CRB1: variants seen among roughly 807,000 people sequenced by gnomAD.
CRB1 encodes protein crumbs homolog 1.
In CRB1, 83 loss-of-function variants were observed where a neutral mutation model predicts 120.0. The observed-to-expected ratio is 0.69, with a 90% CI of 0.58 to 0.83. The LOEUF (loss-of-function observed/expected upper bound fraction) is 0.83, where lower values mean the gene tolerates loss of function less well. CRB1 is among the 40% of genes least tolerant of loss of function. CRB1 has a pLI of 0.00. For missense variants in CRB1, 1,699 were observed against 1,687.6 expected (o/e 1.01, Z -0.12); for synonymous variants, 625 against 612.5 (o/e 1.02, Z -0.30).
intron 1 of CRB1, among the ~76,000 whole-genome samples, chr1:197,308,198 C>T (rs1657286420): frequency 6.6e-6 from 1 of 152,142 alleles, no homozygotes; most frequent in African/African-American, 2.4e-5. Flanking sequence ...AAATAAAATA[C>T]TGTATTTTCT....
rs146120995 is a variant in CRB1, at chr1:197,421,275, G to C, written c.1447G>C (p.Ala483Pro). Residue 483 changes from alanine to proline, a missense_variant, in exon 6 of 12, where the codon GCA (alanine) becomes CCA (proline). Physicochemically the swap from Ala to Pro is conservative, Grantham distance 27. Transcript: ENST00000367400. ...CTACACCGGGTCCCTGTGTGAAATCGCAACCACACTTTCATTTGAGGGCGA... is the reference window on the plus strand; with the variant it reads ...CTACACCGGGTCCCTGTGTGAAATCCCAACCACACTTTCATTTGAGGGCGA... ...SGYTGSLCEI[A>P]TTLSFEGDGF... is the part of the protein sequence containing the mutation. The C allele has an allele frequency of 5.0e-6, 8 of 1,613,984 alleles. No individual in the cohort carries two copies. Among genetic ancestry groups the C allele is most frequent in the Admixed American group, 3.3e-5 (2 of 59,996 alleles).
chr1:197,433,538 G>C (rs1337654171), intron 8 of CRB1, among the ~76,000 whole-genome samples: 1 of 151,954 alleles, frequency 6.6e-6, no homozygotes, highest in Non-Finnish European at 1.5e-5. Context: ...AGAAAAATGA[G>C]GAATAATAGA....
At chr1:197,376,809 A>G (rs1661671536) in intron 5 of CRB1, among the ~76,000 whole-genome samples, 1 of 152,250 alleles carries the variant, frequency 6.6e-6, no homozygotes, top group Admixed American at 6.5e-5. Context: ...AGTGGCTCAC[A>G]TGTTCTCAAT....
intron 11 of CRB1, among the ~76,000 whole-genome samples, chr1:197,450,501 C>A (rs1034127021): frequency 2.6e-5 from 4 of 152,090 alleles, no homozygotes; most frequent in African/African-American, 7.2e-5. Flanking sequence ...AGCATAGTAA[C>A]CCAACAGTTA....
In CRB1 at chr1:197,478,087, A is replaced by C; in HGVS notation, c.*208A>C. ...TATATTATATCAGCCAATTGCAAAA[A>C]AAGTCTGTGCCAGTAATTTCAGCCT... On this transcript the variant is annotated 3_prime_UTR_variant, in exon 12 of 12. Coordinates refer to ENST00000367400, the MANE Select transcript of CRB1 (RefSeq NM_201253.3). 1.7e-6 allele frequency: 1 copy of C among 594,536 alleles called. No homozygotes were observed. Among genetic ancestry groups the C allele is most frequent in the Non-Finnish European group, 3.0e-6 (1 of 336,242 alleles). 36.8% of individuals were successfully genotyped at this position (594,536 alleles called of 1,614,324 possible).
At chr1:197,423,087 G>A (rs1664416140) in intron 6 of CRB1, among the ~76,000 whole-genome samples, 2 of 152,178 alleles carry the variant, frequency 1.3e-5, no homozygotes, top group South Asian at 4.2e-4. Context: ...AAATTATGCT[G>A]AGGCAATGTT....
At chr1:197,371,937 A>G (rs769907955) in intron 5 of CRB1, among the ~76,000 whole-genome samples, 1 of 152,116 alleles carries the variant, frequency 6.6e-6, no homozygotes, top group Non-Finnish European at 1.5e-5. Context: ...TAGGATTCCC[A>G]GTAAGAAACT....
At position 197,434,637 on chromosome 1, in the gene CRB1, T is replaced by C. The variant is rs1332124215; in HGVS notation, c.2843-69T>C. The stretch of plus-strand genomic sequence containing the variant: ...GTTATTAACACAATGATCATTACTA[T>C]TAATAACGGTAATTAAGCAAACTAT... On this transcript the variant is annotated intron_variant, in intron 8 of 11. Coordinates refer to ENST00000367400, the MANE Select transcript of CRB1 (RefSeq NM_201253.3). 2.3e-6 allele frequency: 3 copies of C among 1,316,424 alleles called. No individual in the cohort carries two copies. The East Asian group carries it at 7.0e-5, about 31-fold the overall frequency. 81.5% of individuals were successfully genotyped at this position (1,316,424 alleles called of 1,614,324 possible).
In CRB1 at chr1:197,415,759, CAGCCTCCTG is replaced by C. The variant is rs1343089451; in HGVS notation, c.1172-5238_1172-5230del. On this transcript the variant is annotated intron_variant, in intron 5 of 11. Transcript: ENST00000367400. ...CCGGGTTGACGCCATTCTCCTGCCT[CAGCCTCCTG>C]AGTAGCTGGGACTACAGGCGCCCAC... 2.7e-5 allele frequency among the ~76,000 whole-genome samples: 4 copies of C among 150,852 alleles called. No individual in the cohort carries two copies. The East Asian group carries it at 7.9e-4, about 30-fold the overall frequency.
intron 5 of CRB1, among the ~76,000 whole-genome samples, chr1:197,382,082 A>G (rs1000742669): frequency 6.6e-6 from 1 of 152,170 alleles, no homozygotes; most frequent in African/African-American, 2.4e-5. Flanking sequence ...GGTGACGGGG[A>G]GTAGGGACTG....
chr1:197,250,279 C>T, the CRB1 span, among the ~76,000 whole-genome samples: 1 of 151,914 alleles, frequency 6.6e-6, no homozygotes, highest in Non-Finnish European at 1.5e-5. Flanking sequence ...TATCCTGTGG[C>T]ATTATTTTCT....
chr1:197,463,258 C>T (rs1666609227), intron 11 of CRB1, among the ~76,000 whole-genome samples: 2 of 152,050 alleles, frequency 1.3e-5, no homozygotes, highest in African/African-American at 4.8e-5. Context: ...GACAGTTTAC[C>T]TCCTGACACC....
chr1:197,280,107 A>C (rs1655437429), intron 1 of CRB1, among the ~76,000 whole-genome samples: 1 of 151,888 alleles, frequency 6.6e-6, no homozygotes, highest in Admixed American at 6.6e-5. Context: ...ACACAACCAT[A>C]TCACACGGTC....
chr1:197,430,080 TAATC>T (rs1664801464), intron 8 of CRB1, among the ~76,000 whole-genome samples: 1 of 152,196 alleles, frequency 6.6e-6, no homozygotes, highest in Non-Finnish European at 1.5e-5. Context: ...TATCTGTAAA[TAATC>T]AAACATGTTA....
At chr1:197,349,886 G>A (rs1659990739) in intron 4 of CRB1, among the ~76,000 whole-genome samples, 1 of 151,748 alleles carries the variant, frequency 6.6e-6, no homozygotes, top group South Asian at 2.1e-4. Context: ...GGATCATGAG[G>A]TCAGGAGATC....
intron 1 of CRB1, among the ~76,000 whole-genome samples, chr1:197,315,444 TTCTC>T (rs1207035283): frequency 6.6e-6 from 1 of 152,326 alleles, no homozygotes; most frequent in East Asian, 1.9e-4. Flanking sequence ...GACACTTTCT[TTCTC>T]TCAGCTCCAA....
the CRB1 span, among the ~76,000 whole-genome samples, chr1:197,250,805 C>T: frequency 1.3e-5 from 2 of 151,984 alleles, no homozygotes; most frequent in African/African-American, 2.4e-5. Context: ...GGAGCTGCAC[C>T]TCAGTCAGAA....
chr1:197,274,812 G>C (rs565720440), intron 1 of CRB1, among the ~76,000 whole-genome samples: 103 of 152,026 alleles, frequency 6.8e-4, no homozygotes, highest in Middle Eastern at 3.4e-3. Flanking sequence ...GATGTAGCAC[G>C]GTTTGCTTAA....
chr1:197,209,657 G>A, the CRB1 span, among the ~76,000 whole-genome samples: 33 of 152,144 alleles, frequency 2.2e-4, no homozygotes, highest in Non-Finnish European at 3.4e-4. Context: ...CTCTCCTGCG[G>A]TCTTTTCCCA....
Sources: allele counts gnomAD v4.1 joint callset (sites outside exome capture counted in the v4.1 genomes callset), GRCh38; gene constraint gnomAD v4.1.1; transcripts MANE v1.5; gene names NCBI Gene and HGNC (gene_info 2026-07-23, HGNC 2026-07-21).